The following AP1S3 variants were observed in gnomAD, a reference collection of about 807,000 sequenced individuals.
AP1S3 encodes adaptor related protein complex 1 subunit sigma 3, also known as AP-1 complex subunit sigma-3.
In AP1S3, 10 loss-of-function variants were observed where a neutral mutation model predicts 20.9. The ratio of observed to expected loss-of-function variants is 0.48; its 90% CI spans 0.29 to 0.81. The LOEUF (loss-of-function observed/expected upper bound fraction) is 0.81, where lower values mean the gene tolerates loss of function less well. AP1S3 is among the 30% of genes least tolerant of loss of function. The probability of loss-of-function intolerance (pLI) is 0.08; values close to 1 mark genes in which losing one functional copy is unlikely to be tolerated. For synonymous variants in AP1S3, 41 were observed against 61.5 expected (o/e 0.67, Z 1.56); for missense variants, 154 against 183.8 (o/e 0.84, Z 0.94).
chr2:223,815,478 C>T (rs1463863025), intron 1 of AP1S3, among the ~76,000 whole-genome samples: 1 of 152,174 alleles, frequency 6.6e-6, no homozygotes, highest in African/African-American at 2.4e-5. Flanking sequence ...ACTTTCCCTC[C>T]CAAGTTTACG....
intron 1 of AP1S3, among the ~76,000 whole-genome samples, chr2:223,779,706 G>C (rs1312366468): frequency 6.6e-6 from 1 of 151,634 alleles, no homozygotes; most frequent in African/African-American, 2.4e-5. Context: ...GGTGGCTCAC[G>C]CCTGTAATCC....
chr2:223,766,772 C>T (rs1251843332), intron 3 of AP1S3, among the ~76,000 whole-genome samples: 1 of 152,094 alleles, frequency 6.6e-6, no homozygotes, highest in East Asian at 1.9e-4. Context: ...TGTTGCAGCA[C>T]TGTTCACAGT....
chr2:223,770,065 G>A (rs1379042988), intron 3 of AP1S3: 8 of 1,379,382 alleles, frequency 5.8e-6, no homozygotes, highest in South Asian at 3.1e-5. Context: ...TTTAAAAACC[G>A]TATATGTTTA....
chr2:223,832,576 G>A (rs1199661598), intron 1 of AP1S3, among the ~76,000 whole-genome samples: 3 of 152,094 alleles, frequency 2.0e-5, no homozygotes, highest in Admixed American at 6.6e-5. Context: ...CCAAGTCTCC[G>A]AGGAGGAAAG....
At chr2:223,824,994 G>A (rs1381300524) in intron 1 of AP1S3, among the ~76,000 whole-genome samples, 4 of 152,226 alleles carry the variant, frequency 2.6e-5, no homozygotes, top group Middle Eastern at 3.4e-3. Flanking sequence ...AAGAAAGGGT[G>A]GAGATGGAAG....
At chr2:223,781,227 T>C (rs1029932941) in intron 1 of AP1S3, among the ~76,000 whole-genome samples, 1 of 152,118 alleles carries the variant, frequency 6.6e-6, no homozygotes, top group Non-Finnish European at 1.5e-5. Context: ...TGTCTTTCTA[T>C]TCACTTTCTA....
At chr2:223,783,148 C>A (rs935795774) in intron 1 of AP1S3, among the ~76,000 whole-genome samples, 2 of 152,102 alleles carry the variant, frequency 1.3e-5, no homozygotes, top group African/African-American at 4.8e-5. Flanking sequence ...TCTAGCATTC[C>A]CTTTCAATAA....
intron 4 of AP1S3, among the ~76,000 whole-genome samples, chr2:223,764,034 T>C (rs1690421757): frequency 6.6e-6 from 1 of 152,170 alleles, no homozygotes; most frequent in Non-Finnish European, 1.5e-5. Context: ...TTCTACTGCC[T>C]CAGCCTCCCA....
At chr2:223,795,504 A>G (rs1247383615) in intron 1 of AP1S3, among the ~76,000 whole-genome samples, 1 of 152,212 alleles carries the variant, frequency 6.6e-6, no homozygotes. Context: ...AGCTTGCTGC[A>G]TGCCATCCAG....
At chr2:223,807,005 C>T (rs1262306654) in intron 1 of AP1S3, among the ~76,000 whole-genome samples, 3 of 152,062 alleles carry the variant, frequency 2.0e-5, no homozygotes, top group Admixed American at 2.0e-4. Flanking sequence ...AATGGCTCAC[C>T]TCTGTAATTC....
intron 1 of AP1S3, among the ~76,000 whole-genome samples, chr2:223,796,185 T>A (rs1691332676): frequency 1.3e-5 from 2 of 152,122 alleles, no homozygotes; most frequent in South Asian, 4.2e-4. Flanking sequence ...AAAAATTAAT[T>A]AATATAAAAT....
intron 1 of AP1S3, among the ~76,000 whole-genome samples, chr2:223,786,005 G>C (rs892676347): frequency 6.6e-6 from 1 of 152,204 alleles, no homozygotes; most frequent in African/African-American, 2.4e-5. Context: ...TGCAGCAGGT[G>C]TACTACTCTG....
At position 223,758,190 on chromosome 2, in the gene AP1S3, G is replaced by A; in HGVS notation, c.*525C>T. On this transcript the variant is annotated 3_prime_UTR_variant, in exon 5 of 5. Coordinates refer to ENST00000396654, the MANE Select transcript of AP1S3 (RefSeq NM_001039569.2). Reference sequence around the variant, plus strand: ...CACATTAAAATCAGACATTTTGTATGTGAATTGCAGTTACAGTACTATTAA... The same window carrying A: ...CACATTAAAATCAGACATTTTGTATATGAATTGCAGTTACAGTACTATTAA... 1 of 980,330 alleles carries A rather than the reference G, an allele frequency of 1.0e-6. No homozygotes were observed. The highest frequency in any genetic ancestry group is 1.2e-6 in the Non-Finnish European group (1 of 824,974). The allele number at this position is 980,330 out of a possible 1,614,324, so 60.7% of individuals were successfully genotyped here. A position where few individuals can be genotyped will look rare whatever the true frequency, so the allele number is the denominator to read the frequency against.
At chr2:223,765,181 C>CA (rs60919376) in intron 4 of AP1S3, 32 bp downstream of exon 4, 1 of 1,608,090 alleles carries the variant, frequency 6.2e-7, no homozygotes, top group African/African-American at 1.3e-5. Context: ...TCATCATCAT[C>CA]TTTCTCCCAT....
chr2:223,833,224 T>C (rs1341505773), intron 1 of AP1S3, among the ~76,000 whole-genome samples: 1 of 144,212 alleles, frequency 6.9e-6, no homozygotes, highest in Admixed American at 7.1e-5. Flanking sequence ...TCCCCACAGC[T>C]ATCTTGTTAA....
chr2:223,829,442 C>T lies in AP1S3; in HGVS notation c.3+8006G>A, dbSNP rs537306288. 9.9e-5 allele frequency among the ~76,000 whole-genome samples: 15 copies of T among 152,162 alleles called. No homozygotes were observed. In the South Asian group the frequency reaches 1.9e-3, roughly 19 times the overall value. On this transcript the variant is annotated intron_variant, in intron 1 of 4. Transcript: ENST00000396654. Reference sequence around the variant, plus strand: ...AGGAGTTCAAGACTAGCCTGGCCAACGTGGCAAAACCCTATCTCTACTAAA... The same window carrying T: ...AGGAGTTCAAGACTAGCCTGGCCAATGTGGCAAAACCCTATCTCTACTAAA...
intron 1 of AP1S3, among the ~76,000 whole-genome samples, chr2:223,818,725 G>T (rs1691916831): frequency 6.6e-6 from 1 of 151,978 alleles, no homozygotes; most frequent in South Asian, 2.1e-4. Flanking sequence ...GATAATTTTT[G>T]TATTTCTTAG....
rs1327430961 is a variant in AP1S3 at position 223,832,135 on chromosome 2, C to CTCTG, written c.3+5312_3+5313insCAGA. Among the ~76,000 whole-genome samples the CTCTG allele has an allele frequency of 4.1e-3, 289 of 70,768 alleles. 3 individuals are homozygous for CTCTG. The highest frequency in any genetic ancestry group is 7.4e-3 in the African/African-American group (178 of 23,926). The allele number at this position is 70,768 out of a possible 152,430, so 46.4% of individuals were successfully genotyped here. A position where few individuals can be genotyped will look rare whatever the true frequency, so the allele number is the denominator to read the frequency against. Reference sequence around the variant, plus strand: ...GGGGATTATTAAAGGAGTTTTCTCTCTGTGTGTGTGTGTGTGTGTGTGTGT... The same window carrying CTCTG: ...GGGGATTATTAAAGGAGTTTTCTCTCTCTGTGTGTGTGTGTGTGTGTGTGTGTGT... On this transcript the variant is annotated intron_variant, in intron 1 of 4. Coordinates refer to ENST00000396654, the MANE Select transcript of AP1S3 (RefSeq NM_001039569.2).
In AP1S3 at chr2:223,770,120, TAGAA is replaced by T. The variant is rs1044539543; in HGVS notation, c.292-4774_292-4771del. 77 of 1,509,152 alleles carry T rather than the reference TAGAA, an allele frequency of 5.1e-5. No individual in the cohort carries two copies. The African/African-American group carries it at 8.8e-4, about 17-fold the overall frequency. 93.5% of individuals were successfully genotyped at this position (1,509,152 alleles called of 1,614,324 possible). ...GCATCATTTTTGCAGTTTTAAACAATAGAAAGAAACAAAAAGAAATCACAATAGA... is the reference window on the plus strand; with the variant it reads ...GCATCATTTTTGCAGTTTTAAACAATAGAAACAAAAAGAAATCACAATAGA... On this transcript the variant is annotated intron_variant, in intron 3 of 4. Transcript: ENST00000396654.
Sources: allele counts gnomAD v4.1 joint callset (sites outside exome capture counted in the v4.1 genomes callset), GRCh38; gene constraint gnomAD v4.1.1; transcripts MANE v1.5; gene names NCBI Gene and HGNC (gene_info 2026-07-23, HGNC 2026-07-21).